Variants in CRYBB3 observed in about 807,000 individuals in gnomAD.
CRYBB3 encodes beta-crystallin B3.
CRYBB3 carries 35 observed loss-of-function variants against 28.3 expected under a neutral mutation model. That is an observed-to-expected ratio of 1.24 (90% CI 0.95 to 1.64). The LOEUF (loss-of-function observed/expected upper bound fraction) is 1.64, where lower values mean the gene tolerates loss of function less well. Among genes scored for constraint, CRYBB3 ranks in the 40% most tolerant of loss-of-function variants. The pLI is 0.00. For missense variants in CRYBB3, 296 were observed against 297.4 expected, an observed-to-expected ratio of 1.00 and a Z score of 0.04; for synonymous variants, 106 against 110.4, an observed-to-expected ratio of 0.96 and a Z score of 0.25.
intron 2 of CRYBB3, among the ~76,000 whole-genome samples, chr22:25,202,427 T>C (rs772340767): frequency 1.1e-4 from 17 of 152,236 alleles, no homozygotes; most frequent in Non-Finnish European, 2.1e-4. Context: ...TTCAGTCCGC[T>C]GGACTCCCCA....
rs765740553 is a variant in CRYBB3, at chr22:25,201,478, G to C, written c.75+7G>C. 3.7e-6 allele frequency: 6 copies of C among 1,612,188 alleles called. No homozygotes were observed. The African/African-American group carries it at 6.7e-5, about 18-fold the overall frequency. ...CCTTGGGGGCAGCTACAAGGTACTG[G>C]GCAGGGAGGGGGTCAGAGGGCCCAG... On this transcript the variant is annotated splice_region_variant and intron_variant, in intron 2 of 5. Coordinates refer to ENST00000215855, the MANE Select transcript of CRYBB3 (RefSeq NM_004076.5).
intron 1 of CRYBB3, among the ~76,000 whole-genome samples, chr22:25,200,643 G>T (rs545831802): frequency 2.0e-5 from 3 of 152,144 alleles, no homozygotes; most frequent in African/African-American, 7.2e-5. Context: ...CCTGTATTGC[G>T]TGTCACTGTC....
chr22:25,203,845 T>A lies in CRYBB3; in HGVS notation c.277T>A (p.Ser93Thr). Residue 93 changes from serine to threonine, a missense_variant, in exon 4 of 6, where the codon TCC (serine) becomes ACC (threonine). Coordinates refer to ENST00000215855, the MANE Select transcript of CRYBB3 (RefSeq NM_004076.5). The part of the protein sequence containing the change: ...KGDYPRWDAW[S>T]NSRDSDSLLS... Reference sequence around the variant, plus strand: ...GGATTATCCTCGCTGGGATGCCTGGTCCAACAGCCGTGATAGTGACAGCCT... The same window carrying A: ...GGATTATCCTCGCTGGGATGCCTGGACCAACAGCCGTGATAGTGACAGCCT... The A allele has an allele frequency of 1.2e-6, 2 of 1,614,212 alleles. No homozygotes were observed. Among genetic ancestry groups the A allele is most frequent in the South Asian group, 1.1e-5 (1 of 91,082 alleles).
intron 1 of CRYBB3, among the ~76,000 whole-genome samples, chr22:25,200,971 A>G (rs1010122379): frequency 6.6e-6 from 1 of 152,188 alleles, no homozygotes; most frequent in East Asian, 1.9e-4. Context: ...CTGTAGAGGA[A>G]ACTCCCTGAA....
Position 25,205,202 on chromosome 22 carries a change from C to T in CRYBB3, c.328-18C>T. The T allele has an allele frequency of 6.2e-7, 1 of 1,613,492 alleles. No homozygotes were observed. Among genetic ancestry groups the T allele is most frequent in the African/African-American group, 1.3e-5 (1 of 75,004 alleles). ...CTGGATATGGGAGCAGCCGCTCACCCCACGATATTGCCCTCAGGATAGTCC... is the reference window on the plus strand; with the variant it reads ...CTGGATATGGGAGCAGCCGCTCACCTCACGATATTGCCCTCAGGATAGTCC... On this transcript the variant is annotated intron_variant, in intron 4 of 5. Transcript: ENST00000215855.
At position 25,207,341 on chromosome 22, in the gene CRYBB3, G is replaced by A. The variant is rs561311265; in HGVS notation, c.*129G>A. The A allele has an allele frequency of 2.6e-4, 218 of 838,514 alleles. No homozygotes were observed. The East Asian group carries it at 5.3e-3, about 20-fold the overall frequency. 51.9% of individuals were successfully genotyped at this position (838,514 alleles called of 1,614,324 possible). On this transcript the variant is annotated 3_prime_UTR_variant, in exon 6 of 6. Transcript: ENST00000215855. ...TGGAATCTGCTCAATAAAGCCTGGG[G>A]TTGGTCCCCCACCCGCCACGTTCCT...
In CRYBB3 at chr22:25,207,031, C is replaced by A; in HGVS notation, c.471-16C>A. 1 of 1,606,696 alleles carries A rather than the reference C, an allele frequency of 6.2e-7. No individual in the cohort carries two copies. Among genetic ancestry groups the A allele is most frequent in the Non-Finnish European group, 8.5e-7 (1 of 1,173,438 alleles). On this transcript the variant is annotated splice_polypyrimidine_tract_variant and intron_variant, in intron 5 of 5. Coordinates refer to ENST00000215855, the MANE Select transcript of CRYBB3 (RefSeq NM_004076.5). ...GGAAGCAGACCGTCCACATCTCAAC[C>A]TTGGTCTCCCGGCAGGTGGGTTGGC...
chr22:25,200,075 G>A (rs1404507117), intron 1 of CRYBB3, among the ~76,000 whole-genome samples, 166 bp downstream of exon 1: 1 of 152,166 alleles, frequency 6.6e-6, no homozygotes, highest in African/African-American at 2.4e-5. Context: ...CCAGCTGGGG[G>A]TGGAACGAGG....
At chr22:25,200,348 T>C (rs1934922311) in intron 1 of CRYBB3, among the ~76,000 whole-genome samples, 1 of 152,040 alleles carries the variant, frequency 6.6e-6, no homozygotes, top group Non-Finnish European at 1.5e-5. Context: ...GTGGCCGTGC[T>C]GGGAGCCGTG....
rs755433835 is a variant in CRYBB3, at chr22:25,205,218, A to G, written c.328-2A>G. 3.1e-6 allele frequency: 5 copies of G among 1,613,944 alleles called. No homozygotes were observed. Among genetic ancestry groups the G allele is most frequent in the Middle Eastern group, 1.6e-4 (1 of 6,062 alleles). On this transcript the variant is annotated splice_acceptor_variant, in intron 4 of 5. Transcript: ENST00000215855. LOFTEE classifies it high-confidence loss of function. The stretch of plus-strand genomic sequence containing the variant: ...CCGCTCACCCCACGATATTGCCCTC[A>G]GGATAGTCCACATCACAAGCTGCAT...
chr22:25,204,010 C>T, intron 4 of CRYBB3, 115 bp downstream of exon 4: 1 of 1,258,184 alleles, frequency 7.9e-7, no homozygotes, highest in Non-Finnish European at 1.2e-6. Flanking sequence ...TGGACCTGGC[C>T]TGGGAAGGGC....
rs1390781593 is a variant in CRYBB3, at chr22:25,203,867, G to T, written c.299G>T (p.Ser100Ile). Residue 100 changes from serine (S) to isoleucine (I), a missense_variant, in exon 4 of 6, where the codon AGC becomes ATC. Coordinates refer to ENST00000215855, the MANE Select transcript of CRYBB3 (RefSeq NM_004076.5). The part of the protein sequence containing the change: ...DAWSNSRDSD[S>I]LLSLRPLNID... ...TGGTCCAACAGCCGTGATAGTGACAGCCTTCTGTCCCTCCGGCCTCTGAAT... is the reference window on the plus strand; with the variant it reads ...TGGTCCAACAGCCGTGATAGTGACATCCTTCTGTCCCTCCGGCCTCTGAAT... 4 of 1,614,092 alleles carry T rather than the reference G, an allele frequency of 2.5e-6. No homozygotes were observed. Among genetic ancestry groups the T allele is most frequent in the African/African-American group, 2.7e-5 (2 of 74,936 alleles).
At chr22:25,205,110 G>A in intron 4 of CRYBB3, 110 bp from the exon 5 acceptor site, 1 of 1,439,900 alleles carries the variant, frequency 6.9e-7, no homozygotes, top group East Asian at 2.3e-5. Context: ...GCAGGTTTGG[G>A]GGTGGGTGTT....
At chr22:25,205,114 G>A (rs888265685) in intron 4 of CRYBB3, 106 bp from the exon 5 acceptor site, 39 of 1,463,770 alleles carry the variant, frequency 2.7e-5, no homozygotes, top group East Asian at 4.6e-5. Flanking sequence ...GTTTGGGGGT[G>A]GGTGTTATTT....
At position 25,201,659 on chromosome 22, in the gene CRYBB3, C is replaced by T. The variant is rs2027889; in HGVS notation, c.75+188C>T. On this transcript the variant is annotated intron_variant, in intron 2 of 5. Coordinates refer to ENST00000215855, the MANE Select transcript of CRYBB3 (RefSeq NM_004076.5). Reference sequence around the variant, plus strand: ...AGAAACTTGCTTCATGACTTTGCTGCATCTTCCCTCGTCTGCAAAACAGAA... The same window carrying T: ...AGAAACTTGCTTCATGACTTTGCTGTATCTTCCCTCGTCTGCAAAACAGAA... Among the ~76,000 whole-genome samples, 10,967 of 152,230 alleles carry T rather than the reference C, an allele frequency of 0.072. 1,266 individuals are homozygous for T. Among genetic ancestry groups the T allele is most frequent in the African/African-American group, 0.25 (10,246 of 41,478 alleles).
chr22:25,201,998 G>A (rs1021338951), intron 2 of CRYBB3, among the ~76,000 whole-genome samples: 2 of 152,204 alleles, frequency 1.3e-5, no homozygotes, highest in Non-Finnish European at 2.9e-5. Context: ...AACCATCTCC[G>A]GGGTCTTTTT....
Position 25,202,701 on chromosome 22 carries a change from C to T in CRYBB3, c.103C>T (p.Gln35Ter). The T allele has an allele frequency of 6.2e-7, 1 of 1,614,022 alleles. No individual in the cohort carries two copies. Among genetic ancestry groups the T allele is most frequent in the Non-Finnish European group, 8.5e-7 (1 of 1,179,980 alleles). Residue 35 changes from glutamine (Q) to a stop codon, truncating the protein, a stop_gained, in exon 3 of 6, where the codon CAA (glutamine) becomes TAA (stop). Transcript: ENST00000215855. LOFTEE classifies it high-confidence loss of function. The part of the protein sequence containing the change: ...KVILYELENF[Q>*]GKRCELSAEC... ...GATCTTGTACGAACTAGAGAACTTC[C>T]AAGGCAAACGCTGCGAGCTCTCGGC...
intron 2 of CRYBB3, 140 bp downstream of exon 2, chr22:25,201,611 C>A: frequency 7.1e-7 from 1 of 1,408,634 alleles, no homozygotes; most frequent in Non-Finnish European, 9.3e-7. Flanking sequence ...CCGGGTGGGT[C>A]CTCTCACTGC....
intron 1 of CRYBB3, 138 bp downstream of exon 1, chr22:25,200,047 T>C (rs1210201760): frequency 6.6e-6 from 1 of 151,972 alleles, no homozygotes; most frequent in African/African-American, 2.4e-5. Flanking sequence ...CAGGTCCCAG[T>C]GAGAGGACCC....
Sources: gnomAD v4.1 joint callset for allele counts (sites outside exome capture counted in the v4.1 genomes callset) on GRCh38, gnomAD v4.1.1 for gene constraint, MANE v1.5 for transcripts, NCBI Gene and HGNC (gene_info 2026-07-23, HGNC 2026-07-21) for gene names.